The following SDC4 variants were observed in gnomAD, a reference collection of about 807,000 sequenced individuals.
SDC4 encodes syndecan-4.
A neutral mutation model predicts 20.5 loss-of-function variants in SDC4; 17 were observed. The ratio of observed to expected loss-of-function variants is 0.83; its 90% confidence interval spans 0.57 to 1.25. SDC4 has a LOEUF of 1.25. Among genes scored for constraint, SDC4 ranks in the 50% most tolerant of loss-of-function variants. SDC4 has a pLI of 0.00. For missense variants in SDC4, 241 were observed against 252.3 expected, an observed-to-expected ratio of 0.96 and a Z score of 0.30; for synonymous variants, 107 against 105.3, an observed-to-expected ratio of 1.02 and a Z score of -0.10.
At chr20:45,347,783 T>C (rs1039694293) in intron 1 of SDC4, among the ~76,000 whole-genome samples, 2 of 152,140 alleles carry the variant, frequency 1.3e-5, no homozygotes, top group African/African-American at 4.8e-5. Flanking sequence ...GGCAGGACTT[T>C]GCCCTAAGTC....
At chr20:45,339,089 A>G (rs1568907469) in intron 1 of SDC4, among the ~76,000 whole-genome samples, 2 of 152,216 alleles carry the variant, frequency 1.3e-5, no homozygotes, top group African/African-American at 2.4e-5. Context: ...TCCAAAGTGG[A>G]TAAGAGCCAT....
At position 45,332,457 on chromosome 20, in the gene SDC4, G is replaced by A. The variant is rs1012699710; in HGVS notation, c.246+566C>T. Among the ~76,000 whole-genome samples, 14 of 151,684 alleles carry A rather than the reference G, an allele frequency of 9.2e-5. 1 individual carries two copies. The highest frequency in any genetic ancestry group is 6.9e-3 in the Middle Eastern group (2 of 288). The stretch of plus-strand genomic sequence containing the variant: ...ATTACAGGCATTAGCCACTGTGCCC[G>A]GCCTATATATATACTTTTCTATCAA... On this transcript the variant is annotated intron_variant, in intron 3 of 4. Coordinates refer to ENST00000372733, the MANE Select transcript of SDC4 (RefSeq NM_002999.4).
At position 45,344,640 on chromosome 20, in the gene SDC4, C is replaced by G. The variant is rs6032128; in HGVS notation, c.60+3685G>C. On this transcript the variant is annotated intron_variant, in intron 1 of 4. Coordinates refer to ENST00000372733, the MANE Select transcript of SDC4 (RefSeq NM_002999.4). Reference sequence around the variant, plus strand: ...CACTCCAAGTCCTTGGAAAAGCCCTCTGTTTCTAGGAGCTGGGGATGGCAG... The same window carrying G: ...CACTCCAAGTCCTTGGAAAAGCCCTGTGTTTCTAGGAGCTGGGGATGGCAG... 1.3e-3 allele frequency among the ~76,000 whole-genome samples: 196 copies of G among 152,334 alleles called. 2 individuals are homozygous for G. The South Asian group carries it at 0.021, about 16-fold the overall frequency.
chr20:45,339,677 T>C (rs6032127), intron 1 of SDC4, among the ~76,000 whole-genome samples: 122,391 of 152,144 alleles, frequency 0.8, 49,611 homozygotes, highest in East Asian at 0.95. Flanking sequence ...GAGGTCGAGG[T>C]TGCAGTGAGC....
intron 1 of SDC4, among the ~76,000 whole-genome samples, chr20:45,339,196 C>G (rs1987919204): frequency 6.6e-6 from 1 of 152,216 alleles, no homozygotes; most frequent in African/African-American, 2.4e-5. Context: ...CGGTCCTCCT[C>G]TCCTCCGCCC....
At chr20:45,336,183 C>G (rs1018730965) in intron 1 of SDC4, among the ~76,000 whole-genome samples, 1 of 152,098 alleles carries the variant, frequency 6.6e-6, no homozygotes, top group African/African-American at 2.4e-5. Context: ...GAGGCGGAGG[C>G]AGGCAGATCA....
intron 1 of SDC4, among the ~76,000 whole-genome samples, chr20:45,339,224 C>A (rs983320135): frequency 6.6e-6 from 1 of 152,180 alleles, no homozygotes; most frequent in Non-Finnish European, 1.5e-5. Flanking sequence ...AGATAAAGCC[C>A]ATTGAGTCTG....
chr20:45,347,044 T>A (rs1988041800), intron 1 of SDC4, among the ~76,000 whole-genome samples: 1 of 152,176 alleles, frequency 6.6e-6, no homozygotes, highest in African/African-American at 2.4e-5. Flanking sequence ...TTGTTGGAAT[T>A]AAGCTCCTGG....
rs1399108459 is a variant in SDC4, at chr20:45,329,100, G to A, written c.445+1266C>T. Reference sequence around the variant, plus strand: ...TGTACGGACTCAATCAGGGGCACAGGAATCATACAGCATACAGCAAGCATT... The same window carrying A: ...TGTACGGACTCAATCAGGGGCACAGAAATCATACAGCATACAGCAAGCATT... On this transcript the variant is annotated intron_variant, in intron 4 of 4. Transcript: ENST00000372733. 3.9e-5 allele frequency among the ~76,000 whole-genome samples: 6 copies of A among 152,334 alleles called. No homozygotes were observed. The East Asian group carries it at 9.6e-4, about 24-fold the overall frequency.
In SDC4 at chr20:45,336,036, G is replaced by A. The variant is rs1370983505; in HGVS notation, c.61-116C>T. The A allele has an allele frequency of 5.5e-6, 6 of 1,100,250 alleles. No individual in the cohort carries two copies. In the African/African-American group the frequency reaches 9.4e-5, roughly 17 times the overall value. 68.2% of individuals were successfully genotyped at this position (1,100,250 alleles called of 1,614,324 possible). On this transcript the variant is annotated intron_variant, in intron 1 of 4. Coordinates refer to ENST00000372733, the MANE Select transcript of SDC4 (RefSeq NM_002999.4). ...CTAGAAAGAGACCAGGCCAGGGCCT[G>A]GAGACCTGCGTCCTGGATCCCACTC... is the stretch of plus-strand genomic sequence containing the variant.
rs201413255 is a variant in SDC4 at position 45,333,051 on chromosome 20, A to C, written c.218T>G (p.Met73Arg). The change falls in exon 3 of 5, where the codon ATG becomes AGG. Residue 73 changes from methionine to arginine, a missense_variant. Coordinates refer to ENST00000372733, the MANE Select transcript of SDC4 (RefSeq NM_002999.4). ...GGGATGGACAACTTCAGGGCCGATC[A>C]TGGAGTCTTCCAAGTCATCTGTAAG... ...SGDLDDLEDS[M>R]IGPEVVHPLV... 2.0e-5 allele frequency: 33 copies of C among 1,614,240 alleles called. No homozygotes were observed. The highest frequency in any genetic ancestry group is 3.3e-4 in the Middle Eastern group (2 of 6,056).
chr20:45,341,953 C>T lies in SDC4; in HGVS notation c.61-6033G>A, dbSNP rs541334562. Among the ~76,000 whole-genome samples the T allele has an allele frequency of 1.6e-4, 24 of 152,278 alleles. No homozygotes were observed. The East Asian group carries it at 4.1e-3, about 26-fold the overall frequency. ...TTTCCAATCTGTAAAAGACAGGTCTCAAAGAGACAAGCCTCCCTCTGTCCC... is the reference window on the plus strand; with the variant it reads ...TTTCCAATCTGTAAAAGACAGGTCTTAAAGAGACAAGCCTCCCTCTGTCCC... On this transcript the variant is annotated intron_variant, in intron 1 of 4. Transcript: ENST00000372733.
intron 1 of SDC4, chr20:45,345,803 C>T (rs2145718790): frequency 6.6e-6 from 1 of 152,370 alleles, no homozygotes; most frequent in Middle Eastern, 3.4e-3. Context: ...GGGAATGCTC[C>T]CAGCTGGACA....
At chr20:45,338,552 T>C (rs1987908096) in intron 1 of SDC4, among the ~76,000 whole-genome samples, 1 of 152,312 alleles carries the variant, frequency 6.6e-6, no homozygotes, top group East Asian at 1.9e-4. Context: ...TCTCTTTCAG[T>C]ATGTGAAAGT....
chr20:45,337,783 C>T (rs568604725), intron 1 of SDC4, among the ~76,000 whole-genome samples: 10 of 152,346 alleles, frequency 6.6e-5, no homozygotes, highest in South Asian at 6.2e-4. Context: ...GCTGGATTCC[C>T]GGAAGGGAGC....
Position 45,348,241 on chromosome 20 carries a change from C to CA in SDC4, c.60+83_60+84insT, listed in dbSNP as rs1417140780. ...GGTAGCGTACCCCCGATCTGCCCCCCCCCATCCCACGCTCCGACGAACAAA... is the reference window on the plus strand; with the variant it reads ...GGTAGCGTACCCCCGATCTGCCCCCCACCCATCCCACGCTCCGACGAACAAA... On this transcript the variant is annotated intron_variant, in intron 1 of 4. Coordinates refer to ENST00000372733, the MANE Select transcript of SDC4 (RefSeq NM_002999.4). The CA allele has an allele frequency of 4.6e-5, 55 of 1,204,524 alleles. 1 individual carries two copies. Among genetic ancestry groups the CA allele is most frequent in the Non-Finnish European group, 6.4e-5 (54 of 838,050 alleles). The allele number at this position is 1,204,524 out of a possible 1,614,324, so 74.6% of individuals were successfully genotyped here.
intron 3 of SDC4, among the ~76,000 whole-genome samples, chr20:45,330,844 G>A (rs1008981362): frequency 6.6e-6 from 1 of 152,180 alleles, no homozygotes; most frequent in African/African-American, 2.4e-5. Context: ...TTATTCTAGA[G>A]CAACCACTCT....
rs532905985 is a variant in SDC4 at position 45,325,382 on chromosome 20, A to C, written c.*1882T>G. ...GCCTACAGAGGAGGTGCTCACTCCA[A>C]CACAGCCCAAGGGGAAGGGCACTGG... On this transcript the variant is annotated 3_prime_UTR_variant, in exon 5 of 5. Coordinates refer to ENST00000372733, the MANE Select transcript of SDC4 (RefSeq NM_002999.4). 6.5e-6 allele frequency: 1 copy of C among 152,812 alleles called. No homozygotes were observed. The highest frequency in any genetic ancestry group is 2.1e-4 in the South Asian group (1 of 4,830). 9.5% of individuals were successfully genotyped at this position (152,812 alleles called of 1,614,324 possible). A position where few individuals can be genotyped will look rare whatever the true frequency, so the allele number is the denominator to read the frequency against.
At chr20:45,339,997 G>A (rs1267544308) in intron 1 of SDC4, among the ~76,000 whole-genome samples, 11 of 152,302 alleles carry the variant, frequency 7.2e-5, no homozygotes, top group East Asian at 1.9e-4. Flanking sequence ...AGCTGGCAGC[G>A]GAGATGGACT....
Sources: allele counts gnomAD v4.1 joint callset (sites outside exome capture counted in the v4.1 genomes callset), GRCh38; gene constraint gnomAD v4.1.1; transcripts MANE v1.5; gene names NCBI Gene and HGNC (gene_info 2026-07-23, HGNC 2026-07-21).